ACSL6: variants seen among roughly 807,000 people sequenced by gnomAD.
The protein encoded by ACSL6 is acyl-CoA synthetase long chain family member 6.
Under a neutral mutation model 98.2 loss-of-function variants are expected in ACSL6, and 47 were observed. That is an observed-to-expected ratio of 0.48 (90% CI 0.38 to 0.61). ACSL6 has a LOEUF of 0.61. ACSL6 is among the 20% of genes least tolerant of loss of function. The probability of loss-of-function intolerance (pLI) is 0.00; values close to 1 mark genes in which losing one functional copy is unlikely to be tolerated. For synonymous variants in ACSL6, 362 were observed against 336.9 expected, an observed-to-expected ratio of 1.07 and a Z score of -0.82; for missense variants, 761 against 913.4, an observed-to-expected ratio of 0.83 and a Z score of 2.15.
rs562466210 is a variant in ACSL6, at chr5:131,962,196, T to G, written c.1857+339A>C. ...CAGCCTGGGTGAAAGAGCGAGACCC[T>G]GTCTCAATAATAATAATAGTAATAA... is the stretch of plus-strand genomic sequence containing the variant. On this transcript the variant is annotated intron_variant, in intron 18 of 20. Transcript: ENST00000651883. Among the ~76,000 whole-genome samples, 6 of 152,082 alleles carry G rather than the reference T, an allele frequency of 3.9e-5. No individual in the cohort carries two copies. In the East Asian group the frequency reaches 7.7e-4, roughly 20 times the overall value.
At chr5:131,962,786 C>T (rs1401215145) in intron 17 of ACSL6, 108 bp from the exon 18 acceptor site, 1 of 1,294,864 alleles carries the variant, frequency 7.7e-7, no homozygotes, top group Non-Finnish European at 1.1e-6. Flanking sequence ...AGACCCCACC[C>T]CGATTTCTTT....
At chr5:131,956,096 C>A (rs1468337361) in intron 20 of ACSL6, among the ~76,000 whole-genome samples, 1 of 152,072 alleles carries the variant, frequency 6.6e-6, no homozygotes, top group Non-Finnish European at 1.5e-5. Context: ...ATGTGGAGAA[C>A]ATTGTATAAT....
chr5:131,993,997 C>A (rs745591637), intron 2 of ACSL6, 34 bp downstream of exon 2: 1 of 1,603,680 alleles, frequency 6.2e-7, no homozygotes, highest in Non-Finnish European at 8.5e-7. Flanking sequence ...CTGCCCCCTA[C>A]TTTCCGCAGT....
chr5:132,004,301 A>G (rs1462907710), intron 1 of ACSL6, among the ~76,000 whole-genome samples: 1 of 151,546 alleles, frequency 6.6e-6, no homozygotes, highest in African/African-American at 2.4e-5. Flanking sequence ...CTGCCTATTA[A>G]CCACAGCACA....
intron 18 of ACSL6, among the ~76,000 whole-genome samples, chr5:131,962,303 T>C (rs749863547): frequency 4.6e-5 from 7 of 152,200 alleles, no homozygotes; most frequent in Non-Finnish European, 7.3e-5. Context: ...TGGAAGTAAG[T>C]AGAGCATAAG....
At position 131,972,534 on chromosome 5, in the gene ACSL6, A is replaced by G. The variant is rs1307942833; in HGVS notation, c.1338+190T>C. On this transcript the variant is annotated intron_variant, in intron 13 of 20. Transcript: ENST00000651883. Reference sequence around the variant, plus strand: ...TTTTCTTCTTGCTCATCTCAAATGTAACGTATCTCCAAAAATCAAAAATGT... The same window carrying G: ...TTTTCTTCTTGCTCATCTCAAATGTGACGTATCTCCAAAAATCAAAAATGT... 1.3e-5 allele frequency among the ~76,000 whole-genome samples: 2 copies of G among 152,190 alleles called. 1 individual carries two copies. Among genetic ancestry groups the G allele is most frequent in the Non-Finnish European group, 2.9e-5 (2 of 68,040 alleles).
upstream of ACSL6, chr5:132,011,897 C>T (rs759147798): frequency 3.9e-6 from 6 of 1,552,492 alleles, no homozygotes; most frequent in Non-Finnish European, 5.2e-6. The surrounding 1 kb of genome is among the most constrained non-coding windows in gnomAD (Gnocchi z 5.4). Flanking sequence ...TCCGGCCCCG[C>T]TCTCCAACGT....
intron 18 of ACSL6, chr5:131,960,857 T>C (rs1752669285): frequency 7.7e-6 from 3 of 390,204 alleles, no homozygotes; most frequent in Non-Finnish European, 1.4e-5. Flanking sequence ...AAAGTTAGAC[T>C]GATATGCACC....
intron 1 of ACSL6, among the ~76,000 whole-genome samples, chr5:132,008,382 C>T (rs1376326921): frequency 1.1e-4 from 16 of 152,208 alleles, no homozygotes; most frequent in Admixed American, 9.2e-4. Context: ...ATTCTTTAGA[C>T]GGGCAACTTT....
chr5:132,008,192 C>A (rs1489805038), intron 1 of ACSL6, among the ~76,000 whole-genome samples: 2 of 152,226 alleles, frequency 1.3e-5, no homozygotes, highest in African/African-American at 2.4e-5. Context: ...GCTCTACCAT[C>A]TGTCCCAATT....
At position 131,954,365 on chromosome 5, in the gene ACSL6, C is replaced by T. The variant is rs545939088; in HGVS notation, c.2038G>A (p.Ala680Thr). The T allele has an allele frequency of 2.5e-6, 4 of 1,611,250 alleles. No individual in the cohort carries two copies. Among genetic ancestry groups the T allele is most frequent in the Non-Finnish European group, 3.4e-6 (4 of 1,179,316 alleles). Residue 680 changes from alanine to threonine, a missense_variant, in exon 21 of 21, where the codon GCC (alanine) becomes ACC (threonine). Coordinates refer to ENST00000651883, the MANE Select transcript of ACSL6 (RefSeq NM_001009185.3). ...AACATGTCAGAATGGATGTGAATGG[C>T]TTTAACCTAAAAACCAAATGCAGAA... ...SGLHSFEQVK[A>T]IHIHSDMFSV...
chr5:131,991,710 G>A (rs1754524047), intron 2 of ACSL6, among the ~76,000 whole-genome samples: 1 of 152,048 alleles, frequency 6.6e-6, no homozygotes, highest in South Asian at 2.1e-4. Context: ...TCCCCAGGGT[G>A]CCCAAACCCA....
chr5:132,006,808 C>T (rs1755433983), intron 1 of ACSL6: 1 of 152,188 alleles, frequency 6.6e-6, no homozygotes, highest in Admixed American at 6.5e-5. Context: ...CCAGGCTGCA[C>T]TGGTTCTCAG....
chr5:131,983,441 G>A (rs908398468), intron 9 of ACSL6: 1 of 152,232 alleles, frequency 6.6e-6, no homozygotes, highest in African/African-American at 2.4e-5. Context: ...TGGGCCAAAT[G>A]TCAGGTTCAG....
intron 9 of ACSL6, among the ~76,000 whole-genome samples, 175 bp from the exon 10 acceptor site, chr5:131,976,896 C>T (rs1209191729): frequency 6.6e-6 from 1 of 152,192 alleles, no homozygotes; most frequent in African/African-American, 2.4e-5. Flanking sequence ...GACCGCTATC[C>T]TATAGACATA....
intron 11 of ACSL6, 97 bp downstream of exon 11, chr5:131,974,796 A>G: frequency 6.2e-7 from 1 of 1,612,804 alleles, no homozygotes; most frequent in Non-Finnish European, 8.5e-7. Context: ...AAAGGCAAAT[A>G]GGAAATGTGC....
At chr5:131,989,783 G>A (rs541489060) in intron 4 of ACSL6, among the ~76,000 whole-genome samples, 7 of 151,976 alleles carry the variant, frequency 4.6e-5, no homozygotes, top group South Asian at 2.1e-4. Flanking sequence ...TAGTAGAGAC[G>A]GAGTTTCACT....
At chr5:132,006,270 A>C (rs535970585) in intron 1 of ACSL6, 26 of 152,288 alleles carry the variant, frequency 1.7e-4, no homozygotes, top group Admixed American at 1.5e-3. Flanking sequence ...GCTTGGCTTG[A>C]AATTTCTGTT....
At chr5:132,010,973 G>A (rs1350299629) in intron 1 of ACSL6, among the ~76,000 whole-genome samples, 2 of 152,154 alleles carry the variant, frequency 1.3e-5, no homozygotes, top group Non-Finnish European at 2.9e-5. Context: ...CAGAGCAGAG[G>A]AGCCAGGTGA....
Sources: gnomAD v4.1 joint callset for allele counts (sites outside exome capture counted in the v4.1 genomes callset) on GRCh38, gnomAD v4.1.1 for gene constraint, Gnocchi (gnomAD v3.1) non-coding constraint, MANE v1.5 for transcripts, NCBI Gene and HGNC (gene_info 2026-07-23, HGNC 2026-07-21) for gene names.